The following PLXNA3 variants were observed in gnomAD, a reference collection of about 807,000 sequenced individuals.
PLXNA3 encodes plexin-A3.
Under a neutral mutation model 118.8 loss-of-function variants are expected in PLXNA3, and 52 were observed. The ratio of observed to expected loss-of-function variants is 0.44; its 90% CI spans 0.35 to 0.55. The LOEUF is 0.55. Among genes scored for constraint, PLXNA3 ranks in the 20% least tolerant of loss-of-function variants. The pLI is 0.01. For missense variants in PLXNA3, 1,660 were observed against 1,730.8 expected (o/e 0.96, Z 0.73); for synonymous variants, 925 against 762.4 (o/e 1.21, Z -3.51).
intron 4 of PLXNA3, among the ~76,000 whole-genome samples, 161 bp from the exon 5 acceptor site, chrX:154,463,230 C>T (rs782569014): frequency 9.0e-6 from 1 of 110,804 alleles, no homozygotes; most frequent in South Asian, 3.9e-4. Context: ...TTTCTGGCGT[C>T]TGCACCCTCC....
In PLXNA3 at chrX:154,467,364, C is replaced by A; in HGVS notation, c.3334C>A (p.Arg1112Ser). The change falls in exon 19 of 33, where the codon CGC (arginine) becomes AGC (serine). Residue 1112 changes from arginine to serine, a missense_variant. Transcript: ENST00000369682. ...CCTGCTGGACCACGTGCAAACGGCC[C>A]GCTCCCTCAACCGCTCCTCCTTTAC... is the stretch of plus-strand genomic sequence containing the variant. ...GFLLDHVQTARSLNRSSFTYY... is the reference protein window; with the variant it reads ...GFLLDHVQTASSLNRSSFTYY... 1 of 1,204,638 alleles carries A rather than the reference C, an allele frequency of 8.3e-7. No homozygotes were observed. Among genetic ancestry groups the A allele is most frequent in the Non-Finnish European group, 1.1e-6 (1 of 895,443 alleles).
At chrX:154,466,960 C>T (rs2069096847) in intron 17 of PLXNA3, 97 bp from the exon 18 acceptor site, 6 of 904,372 alleles carry the variant, frequency 6.6e-6, no homozygotes, top group Middle Eastern at 3.1e-4. Context: ...GATCCAGGGT[C>T]AGGGAAGGCC....
Position 154,466,150 on chromosome X carries a change from G to A in PLXNA3, c.2679G>A (p.Arg893=). The change falls in exon 15 of 33, where the codon AGG becomes AGA. Residue 893 remains arginine (R), a splice_region_variant and synonymous_variant. Transcript: ENST00000369682. The part of the protein sequence containing the change: ...SIPAEYISAE[R]IVCEMEESLV... ...GGCCCTGACGCTCTCTGAGCCCTAGGATCGTGTGTGAGATGGAGGAGTCGC... is the reference window on the plus strand; with the variant it reads ...GGCCCTGACGCTCTCTGAGCCCTAGAATCGTGTGTGAGATGGAGGAGTCGC... 8.3e-7 allele frequency: 1 copy of A among 1,210,544 alleles called. No homozygotes were observed. Among genetic ancestry groups the A allele is most frequent in the Middle Eastern group, 2.5e-4 (1 of 4,007 alleles).
chrX:154,460,295 G>T lies in PLXNA3; in HGVS notation c.112G>T (p.Val38Leu), dbSNP rs782737285. The T allele has an allele frequency of 8.3e-7, 1 of 1,208,324 alleles. No individual in the cohort carries two copies. The highest frequency in any genetic ancestry group is 1.1e-6 in the Non-Finnish European group (1 of 892,796). Residue 38 changes from valine to leucine, a missense_variant, in exon 2 of 33, where the codon GTG (valine) becomes TTG (leucine). Val to Leu is a conservative substitution (Grantham distance 32). This residue lies in a region of PLXNA3 where 791 missense variants were observed against 652.1 expected (regional missense o/e 1.21). Coordinates refer to ENST00000369682, the MANE Select transcript of PLXNA3 (RefSeq NM_017514.5). ...AGACACCACGCTTACCCACCTGGCT[G>T]TGCACCGGGTGACTGGGGAGGTGTT... Reference protein sequence around the residue: ...VTDTTLTHLAVHRVTGEVFVG... With the variant: ...VTDTTLTHLALHRVTGEVFVG...
chrX:154,464,724 C>G lies in PLXNA3; in HGVS notation c.1929-30C>G, dbSNP rs369837602. On this transcript the variant is annotated intron_variant, in intron 9 of 32. Coordinates refer to ENST00000369682, the MANE Select transcript of PLXNA3 (RefSeq NM_017514.5). Reference sequence around the variant, plus strand: ...GCAGTGAGGGGCAGTGCAGCCTCCTCTGTTATTTCTGAAGCCACTTCCCCC... The same window carrying G: ...GCAGTGAGGGGCAGTGCAGCCTCCTGTGTTATTTCTGAAGCCACTTCCCCC... The G allele has an allele frequency of 2.0e-5, 20 of 1,007,884 alleles. No homozygotes were observed. In the African/African-American group the frequency reaches 3.6e-4, roughly 18 times the overall value. The allele number at this position is 1,007,884 out of a possible 1,213,427, so 83.1% of individuals were successfully genotyped here. A position where few individuals can be genotyped will look rare whatever the true frequency, so the allele number is the denominator to read the frequency against.
At position 154,461,227 on chromosome X, in the gene PLXNA3, GCAGCTGGACACC is replaced by G. The variant is rs2068950284; in HGVS notation, c.728_739del (p.Leu243_Gln246del). 1 of 1,212,524 alleles carries G rather than the reference GCAGCTGGACACC, an allele frequency of 8.2e-7. No individual in the cohort carries two copies. The highest frequency in any genetic ancestry group is 2.3e-4 in the Middle Eastern group (1 of 4,356). On this transcript the variant is annotated inframe_deletion, in exon 3 of 33. Transcript: ENST00000369682. ...CCTCCTTCGTGTACTTCCTGACGCT[GCAGCTGGACACC>G]CAGCAGACGCTGTTGGACACAGCGG...
intron 1 of PLXNA3, 35 bp downstream of exon 1, chrX:154,458,463 C>CCAAA (rs1243786709): frequency 9.0e-6 from 1 of 110,662 alleles, no homozygotes; most frequent in African/African-American, 3.3e-5. Flanking sequence ...CCGTGCGGGG[C>CCAAA]CAAACAGCTC....
chrX:154,472,750 C>A lies in PLXNA3; in HGVS notation c.*65C>A. 1 of 869,868 alleles carries A rather than the reference C, an allele frequency of 1.1e-6. No individual in the cohort carries two copies. Among genetic ancestry groups the A allele is most frequent in the Non-Finnish European group, 1.7e-6 (1 of 587,753 alleles). The allele number at this position is 869,868 out of a possible 1,213,427, so 71.7% of individuals were successfully genotyped here. A position where few individuals can be genotyped will look rare whatever the true frequency, so the allele number is the denominator to read the frequency against. ...GCCGTCCTCCCATCCAGGGGAGTGG[C>A]TGGCTCAAGCCTGGGTCCCCGGGCT... On this transcript the variant is annotated 3_prime_UTR_variant, in exon 33 of 33. Transcript: ENST00000369682.
rs782208372 is a variant in PLXNA3, at chrX:154,460,456, C to T, written c.273C>T (p.Ala91=). Residue 91 remains alanine, a synonymous_variant, in exon 2 of 33, where the codon GCC becomes GCT. Coordinates refer to ENST00000369682, the MANE Select transcript of PLXNA3 (RefSeq NM_017514.5). ...TGCGCGTGTGTGCCCACCGCCTGGC[C>T]CCCGTGGACAACATCAACAAGCTGC... ...PSMRVCAHRL[A]PVDNINKLLL... The T allele has an allele frequency of 2.5e-6, 3 of 1,204,052 alleles. No individual in the cohort carries two copies. Among genetic ancestry groups the T allele is most frequent in the Non-Finnish European group, 3.4e-6 (3 of 890,544 alleles).
chrX:154,474,217 C>T lies in PLXNA3; in HGVS notation c.*1532C>T, dbSNP rs1277773057. On this transcript the variant is annotated 3_prime_UTR_variant, in exon 33 of 33. Coordinates refer to ENST00000369682, the MANE Select transcript of PLXNA3 (RefSeq NM_017514.5). ...AGGCTGGAGTGCAGTGGCAAGATCA[C>T]AGCTCAGTGCAGTCTCAAACTCCTG... 3 of 108,973 alleles carry T rather than the reference C, an allele frequency of 2.8e-5. No homozygotes were observed. The highest frequency in any genetic ancestry group is 2.0e-4 in the Admixed American group (2 of 10,143). 9.0% of individuals were successfully genotyped at this position (108,973 alleles called of 1,213,427 possible). A position where few individuals can be genotyped will look rare whatever the true frequency, so the allele number is the denominator to read the frequency against.
chrX:154,468,587 A>G lies in PLXNA3; in HGVS notation c.4220+28A>G, dbSNP rs781957374. 38 of 1,205,165 alleles carry G rather than the reference A, an allele frequency of 3.2e-5. No individual in the cohort carries two copies. The African/African-American group carries it at 5.3e-4, about 17-fold the overall frequency. On this transcript the variant is annotated intron_variant, in intron 23 of 32. Transcript: ENST00000369682. Reference sequence around the variant, plus strand: ...ACCTGCCTTGCTCTATCCAGGCCACACCTTTGTCCTGCCTGGGCCTGCCCC... The same window carrying G: ...ACCTGCCTTGCTCTATCCAGGCCACGCCTTTGTCCTGCCTGGGCCTGCCCC...
intron 26 of PLXNA3, 75 bp from the exon 27 acceptor site, chrX:154,469,304 C>A (rs2069145891): frequency 2.6e-6 from 3 of 1,156,620 alleles, no homozygotes; most frequent in Non-Finnish European, 3.5e-6. Context: ...CCACCTGAAC[C>A]CTGTTTCCAA....
chrX:154,472,561 C>T, intron 32 of PLXNA3, 29 bp from the exon 33 acceptor site: 2 of 1,074,391 alleles, frequency 1.9e-6, no homozygotes, highest in East Asian at 6.1e-5. Flanking sequence ...CCCTACAGAG[C>T]CCAGCTCCAG....
Position 154,468,502 on chromosome X carries a change from C to T in PLXNA3, c.4163C>T (p.Ala1388Val). Residue 1388 changes from alanine to valine, a missense_variant, in exon 23 of 33, where the codon GCC (alanine) becomes GTC (valine). Around this residue, in one of 2 missense-constraint regions of PLXNA3, gnomAD observed 869 missense variants for 1,078.7 expected, o/e 0.81. Coordinates refer to ENST00000369682, the MANE Select transcript of PLXNA3 (RefSeq NM_017514.5). ...ACGGGGCTGCTCAAGCAACTGCTGG[C>T]CGACCTCATCGAGAAGAACCTCGAG... is the stretch of plus-strand genomic sequence containing the variant. ...YATGLLKQLL[A>V]DLIEKNLESK... The T allele has an allele frequency of 2.5e-6, 3 of 1,211,012 alleles. No individual in the cohort carries two copies. The highest frequency in any genetic ancestry group is 3.4e-6 in the Non-Finnish European group (3 of 895,433).
intron 31 of PLXNA3, 82 bp downstream of exon 31, chrX:154,471,399 G>T (rs2069181653): frequency 8.6e-7 from 1 of 1,156,589 alleles, no homozygotes; most frequent in Non-Finnish European, 1.2e-6. Context: ...CCAGCTACAG[G>T]CAGGAAGCCC....
chrX:154,459,497 G>A (rs1442309622), intron 1 of PLXNA3, among the ~76,000 whole-genome samples: 1 of 112,699 alleles, frequency 8.9e-6, no homozygotes, highest in Non-Finnish European at 1.9e-5. Context: ...GAGCCATGCA[G>A]GCTGTGGCTG....
rs1316677568 is a variant in PLXNA3, at chrX:154,474,953, G to GT, written c.*2274dup. Reference sequence around the variant, plus strand: ...CAAGTGCTTGCCACCATACCCAGCTGTTTTTTGTTTTTTTTTTTTTTCTTT... The same window carrying GT: ...CAAGTGCTTGCCACCATACCCAGCTGTTTTTTTGTTTTTTTTTTTTTTCTTT... On this transcript the variant is annotated 3_prime_UTR_variant, in exon 33 of 33. Transcript: ENST00000369682. The GT allele has an allele frequency of 3.4e-3, 257 of 76,352 alleles. 18 individuals are homozygous for GT. Among genetic ancestry groups the GT allele is most frequent in the Non-Finnish European group, 4.3e-3 (156 of 36,271 alleles). The allele number at this position is 76,352 out of a possible 1,213,427, so 6.3% of individuals were successfully genotyped here.
At position 154,476,492 on chromosome X, in the gene PLXNA3, T is replaced by C. The variant is rs2069237139; in HGVS notation, c.*3807T>C. 9.2e-6 allele frequency: 1 copy of C among 108,351 alleles called. No homozygotes were observed. Among genetic ancestry groups the C allele is most frequent in the African/African-American group, 3.4e-5 (1 of 29,725 alleles). The allele number at this position is 108,351 out of a possible 1,213,427, so 8.9% of individuals were successfully genotyped here. ...AAAAAAAAGTGAAAGATCTAAATTG[T>C]CAACTATTCGTCAATAATTAATGTC... is the stretch of plus-strand genomic sequence containing the variant. On this transcript the variant is annotated 3_prime_UTR_variant, in exon 33 of 33. Coordinates refer to ENST00000369682, the MANE Select transcript of PLXNA3 (RefSeq NM_017514.5).
intron 4 of PLXNA3, among the ~76,000 whole-genome samples, 154 bp downstream of exon 4, chrX:154,462,464 G>A (rs782744196): frequency 8.9e-6 from 1 of 112,020 alleles, no homozygotes; most frequent in Non-Finnish European, 1.9e-5. Flanking sequence ...CCAGGCGCCT[G>A]GCCCTGCTCC....
Sources: allele counts gnomAD v4.1 joint callset (sites outside exome capture counted in the v4.1 genomes callset), GRCh38; gene constraint gnomAD v4.1.1; regional missense constraint gnomAD v4.1.1; transcripts MANE v1.5; gene names NCBI Gene and HGNC (gene_info 2026-07-23, HGNC 2026-07-21).